The following CIT variants were observed in gnomAD, a reference collection of about 807,000 sequenced individuals.
CIT encodes the protein citron Rho-interacting kinase.
In CIT, 79 loss-of-function variants were observed where a neutral mutation model predicts 272.7. That is an observed-to-expected ratio of 0.29 (90% confidence interval 0.24 to 0.35). The LOEUF (loss-of-function observed/expected upper bound fraction) is 0.35, where lower values mean the gene tolerates loss of function less well. Among genes scored for constraint, CIT ranks in the 10% least tolerant of loss-of-function variants. CIT has a pLI of 1.00. For missense variants in CIT, 1,909 were observed against 2,618.3 expected, an observed-to-expected ratio of 0.73 and a Z score of 5.91; for synonymous variants, 948 against 995.6, an observed-to-expected ratio of 0.95 and a Z score of 0.90.
chr12:119,693,446 C>T (rs1393783620), intron 46 of CIT, among the ~76,000 whole-genome samples: 66 of 152,190 alleles, frequency 4.3e-4, no homozygotes, highest in Non-Finnish European at 1.5e-5. Context: ...GCCCCTCGTT[C>T]TCAGGAACTG....
In CIT at chr12:119,709,785, AGAGTGTGTGTGTGTGT is replaced by A. The variant is rs1476023464; in HGVS notation, c.5071+450_5071+465del. ...GAAAGAGAGAGAGAGAGAGAGAGAGAGAGTGTGTGTGTGTGTGTGTGTGTGTGTGTGTGTGTGTGTG... is the reference window on the plus strand; with the variant it reads ...GAAAGAGAGAGAGAGAGAGAGAGAGAGTGTGTGTGTGTGTGTGTGTGTGTG... On this transcript the variant is annotated intron_variant, in intron 39 of 47. Transcript: ENST00000392521. Among the ~76,000 whole-genome samples the A allele has an allele frequency of 1.9e-4, 10 of 52,442 alleles. No individual in the cohort carries two copies. The East Asian group carries it at 2.3e-3, about 12-fold the overall frequency. 34.4% of individuals were successfully genotyped at this position (52,442 alleles called of 152,430 possible). A position where few individuals can be genotyped will look rare whatever the true frequency, so the allele number is the denominator to read the frequency against.
rs951647968 is a variant in CIT, at chr12:119,759,237, A to T, written c.2422-537T>A. On this transcript the variant is annotated intron_variant, in intron 20 of 47. Transcript: ENST00000392521. ...GGAGGTGAGCGGCCAGCGAGCGAGCATTACTGCCTGAGCTCTACCTCCTGT... is the reference window on the plus strand; with the variant it reads ...GGAGGTGAGCGGCCAGCGAGCGAGCTTTACTGCCTGAGCTCTACCTCCTGT... 5.9e-5 allele frequency among the ~76,000 whole-genome samples: 9 copies of T among 152,344 alleles called. No homozygotes were observed. In the East Asian group the frequency reaches 1.5e-3, roughly 26 times the overall value.
At chr12:119,758,432 TTA>T (rs1961315417) in intron 21 of CIT, among the ~76,000 whole-genome samples, 157 bp downstream of exon 21, 1 of 152,136 alleles carries the variant, frequency 6.6e-6, no homozygotes, top group Non-Finnish European at 1.5e-5. Flanking sequence ...GTGAGACCAC[TTA>T]AGACAGGGCA....
intron 7 of CIT, among the ~76,000 whole-genome samples, chr12:119,827,513 C>A (rs1968269587): frequency 6.6e-6 from 1 of 151,894 alleles, no homozygotes; most frequent in Non-Finnish European, 1.5e-5. Context: ...TCTCAGCTCA[C>A]TGCAACCTCC....
intron 28 of CIT, among the ~76,000 whole-genome samples, chr12:119,723,590 G>C (rs1029050489): frequency 2.0e-5 from 3 of 152,098 alleles, no homozygotes; most frequent in African/African-American, 7.2e-5. Context: ...GAAAAAGACA[G>C]GAAACTGGGA....
intron 5 of CIT, among the ~76,000 whole-genome samples, chr12:119,848,007 T>C (rs1226297242): frequency 6.6e-6 from 1 of 152,198 alleles, no homozygotes; most frequent in African/African-American, 2.4e-5. Flanking sequence ...ACAGATGTCC[T>C]GGAACACCAG....
chr12:119,863,690 C>T (rs1566143235), intron 3 of CIT, among the ~76,000 whole-genome samples: 1 of 151,756 alleles, frequency 6.6e-6, no homozygotes, highest in East Asian at 1.9e-4. Context: ...CCATGCCTGG[C>T]TAATTTTTGT....
intron 9 of CIT, among the ~76,000 whole-genome samples, chr12:119,814,899 G>C (rs990224478): frequency 2.0e-5 from 3 of 151,968 alleles, no homozygotes; most frequent in Admixed American, 6.6e-5. Context: ...TTAGCCAGGC[G>C]TGGTGGCGCA....
intron 9 of CIT, among the ~76,000 whole-genome samples, chr12:119,815,105 A>AC (rs58388824): frequency 7.0e-6 from 1 of 143,102 alleles, no homozygotes. Flanking sequence ...ACACACACAC[A>AC]ACACACACAC....
At chr12:119,828,685 C>T (rs1407777310) in intron 7 of CIT, among the ~76,000 whole-genome samples, 2 of 152,078 alleles carry the variant, frequency 1.3e-5, no homozygotes, top group Non-Finnish European at 2.9e-5. Flanking sequence ...GCCTCAGCCT[C>T]CCGAATAGCT....
chr12:119,747,026 T>A (rs1441398445), intron 23 of CIT, among the ~76,000 whole-genome samples: 2 of 98,350 alleles, frequency 2.0e-5, no homozygotes, highest in Non-Finnish European at 4.3e-5. Flanking sequence ...TAATTAGATA[T>A]TAGGTGCTAC....
At chr12:119,801,240 T>C (rs1355646392) in intron 10 of CIT, among the ~76,000 whole-genome samples, 1 of 152,130 alleles carries the variant, frequency 6.6e-6, no homozygotes, top group Non-Finnish European at 1.5e-5. Context: ...CATCTTCAAA[T>C]ACAATAAGCA....
At chr12:119,774,419 C>T (rs1963526922) in intron 16 of CIT, among the ~76,000 whole-genome samples, 1 of 152,234 alleles carries the variant, frequency 6.6e-6, no homozygotes, top group African/African-American at 2.4e-5. Context: ...CATTCTGGCC[C>T]TTCCATTAAG....
intron 28 of CIT, among the ~76,000 whole-genome samples, chr12:119,724,750 C>A (rs1371895240): frequency 6.6e-6 from 1 of 151,756 alleles, no homozygotes; most frequent in Non-Finnish European, 1.5e-5. Context: ...CCATCCTGGC[C>A]AACGTGGTGA....
intron 22 of CIT, 47 bp downstream of exon 22, chr12:119,757,324 C>T: frequency 1.9e-6 from 3 of 1,606,904 alleles, no homozygotes; most frequent in Non-Finnish European, 2.5e-6. Flanking sequence ...TGTTCAGAGC[C>T]CGAATCGCCC....
intron 9 of CIT, among the ~76,000 whole-genome samples, chr12:119,812,413 C>T (rs1966856438): frequency 6.6e-6 from 1 of 152,006 alleles, no homozygotes; most frequent in Non-Finnish European, 1.5e-5. Flanking sequence ...CTCTTTAGTA[C>T]CCTTTTATCT....
At chr12:119,748,473 T>C (rs1397310374) in intron 23 of CIT, among the ~76,000 whole-genome samples, 1 of 152,236 alleles carries the variant, frequency 6.6e-6, no homozygotes, top group Non-Finnish European at 1.5e-5. Context: ...GTCAGGATTC[T>C]AGAACGGTTA....
chr12:119,817,372 C>T (rs905753930), intron 9 of CIT, among the ~76,000 whole-genome samples: 33 of 152,098 alleles, frequency 2.2e-4, no homozygotes, highest in Middle Eastern at 3.4e-3. Context: ...ATTAGCCGGG[C>T]GTGTTGGCGG....
intron 10 of CIT, among the ~76,000 whole-genome samples, chr12:119,788,423 A>G (rs1003691899): frequency 6.6e-6 from 1 of 152,218 alleles, no homozygotes; most frequent in African/African-American, 2.4e-5. Flanking sequence ...TCAGAGATCA[A>G]AAGTCACCCA....
Sources: allele counts gnomAD v4.1 joint callset (sites outside exome capture counted in the v4.1 genomes callset), GRCh38; gene constraint gnomAD v4.1.1; transcripts MANE v1.5; gene names NCBI Gene and HGNC (gene_info 2026-07-23, HGNC 2026-07-21).